Variants in NAV2 observed in about 807,000 individuals in gnomAD.
The protein encoded by NAV2 is neuron navigator 2.
NAV2 carries 54 observed loss-of-function variants against 223.2 expected under a neutral mutation model. The observed-to-expected ratio is 0.24, with a 90% CI of 0.19 to 0.30. The LOEUF is 0.30. NAV2 is among the 10% of genes least tolerant of loss of function. The pLI, the probability that NAV2 is intolerant of heterozygous loss-of-function variation, is 1.00. For missense variants in NAV2, 2,806 were observed against 3,147.5 expected (o/e 0.89, Z 2.60); for synonymous variants, 1,279 against 1,239.3 (o/e 1.03, Z -0.67).
chr11:20,106,207 A>ATGTGTG (rs1458520987), intron 35 of NAV2, among the ~76,000 whole-genome samples: 6 of 50,882 alleles, frequency 1.2e-4, no homozygotes, highest in African/African-American at 3.1e-4. Context: ...ATATATATAT[A>ATGTGTG]TATATATATA....
intron 1 of NAV2, among the ~76,000 whole-genome samples, chr11:19,635,942 G>T (rs1392587255): frequency 6.6e-6 from 1 of 152,178 alleles, no homozygotes. Flanking sequence ...AGTCCTAAAA[G>T]GTAATCTGAG....
At chr11:19,378,843 G>A (rs763132637) in intron 1 of NAV2, among the ~76,000 whole-genome samples, 18 of 152,098 alleles carry the variant, frequency 1.2e-4, no homozygotes, top group Admixed American at 3.3e-4. Context: ...CTGGCACCCC[G>A]CTCTGAGCTC....
chr11:19,825,178 G>A (rs1404447730), intron 1 of NAV2, among the ~76,000 whole-genome samples: 1 of 150,394 alleles, frequency 6.6e-6, no homozygotes, highest in Admixed American at 6.7e-5. Flanking sequence ...TTTAATCCCA[G>A]CTACTTGGGA....
chr11:20,064,629 C>T (rs2058921272), intron 20 of NAV2, among the ~76,000 whole-genome samples: 1 of 152,194 alleles, frequency 6.6e-6, no homozygotes, highest in African/African-American at 2.4e-5. Flanking sequence ...TTCATGCCAA[C>T]CACTAGAAGT....
chr11:19,544,889 G>A (rs2044448217), intron 1 of NAV2, among the ~76,000 whole-genome samples: 1 of 152,206 alleles, frequency 6.6e-6, no homozygotes, highest in African/African-American at 2.4e-5. Flanking sequence ...AAAGGAATGA[G>A]AATCGTAGTA....
At chr11:19,907,471 G>T (rs908141270) in intron 6 of NAV2, among the ~76,000 whole-genome samples, 1 of 152,172 alleles carries the variant, frequency 6.6e-6, no homozygotes, top group South Asian at 2.1e-4. Context: ...TTTTGCTCCT[G>T]GTGTCTTAGA....
Position 19,825,308 on chromosome 11 carries a change from A to G in NAV2, c.268-7176A>G, listed in dbSNP as rs1337433320. 2.7e-5 allele frequency among the ~76,000 whole-genome samples: 4 copies of G among 150,496 alleles called. No individual in the cohort carries two copies. The South Asian group carries it at 6.3e-4, about 24-fold the overall frequency. On this transcript the variant is annotated intron_variant, in intron 1 of 37. Transcript: ENST00000349880. The stretch of plus-strand genomic sequence containing the variant: ...CTCTGTCTCAAAAAAAAAAAAAAAA[A>G]AAAAAAAAAAAAAGGCATTATATGA...
intron 10 of NAV2, among the ~76,000 whole-genome samples, chr11:19,969,666 G>C (rs2049055374): frequency 6.6e-6 from 1 of 152,072 alleles, no homozygotes; most frequent in Non-Finnish European, 1.5e-5. Flanking sequence ...CAGTTGGCTG[G>C]GCGCAGTGGC....
intron 1 of NAV2, among the ~76,000 whole-genome samples, chr11:19,493,160 C>T (rs532037753): frequency 6.6e-6 from 1 of 152,204 alleles, no homozygotes; most frequent in Non-Finnish European, 1.5e-5. Flanking sequence ...TTCTCTACTC[C>T]CCTGCCCCCT....
chr11:19,353,962 C>T (rs73428636), intron 1 of NAV2, among the ~76,000 whole-genome samples: 6,271 of 152,144 alleles, frequency 0.041, 457 homozygotes, highest in African/African-American at 0.14. Flanking sequence ...AATGTGGGTG[C>T]CTGTCTGAGT....
intron 1 of NAV2, among the ~76,000 whole-genome samples, chr11:19,436,907 A>G (rs1851237046): frequency 6.6e-6 from 1 of 152,152 alleles, no homozygotes; most frequent in Non-Finnish European, 1.5e-5. Context: ...TAGAAATGCT[A>G]CTGGTGTCTG....
chr11:19,832,189 C>T (rs1178915377), intron 1 of NAV2, among the ~76,000 whole-genome samples: 3 of 152,206 alleles, frequency 2.0e-5, no homozygotes, highest in African/African-American at 7.2e-5. Flanking sequence ...CTCTCAAAGC[C>T]GTCTGGAGCA....
At chr11:19,392,667 A>G (rs1029781436) in intron 1 of NAV2, among the ~76,000 whole-genome samples, 7 of 152,116 alleles carry the variant, frequency 4.6e-5, no homozygotes, top group Non-Finnish European at 8.8e-5. Context: ...GTTCATTGGG[A>G]GTGAGTCTGG....
At chr11:19,571,332 G>A (rs150000431) in intron 1 of NAV2, among the ~76,000 whole-genome samples, 1 of 152,346 alleles carries the variant, frequency 6.6e-6, no homozygotes, top group African/African-American at 2.4e-5. Context: ...TTCCTTTTGG[G>A]ATGATGAAAA....
rs138742822 is a variant in NAV2 at position 19,916,462 on chromosome 11, G to A, written c.932-16714G>A. Among the ~76,000 whole-genome samples, 8 of 152,298 alleles carry A rather than the reference G, an allele frequency of 5.3e-5. No individual in the cohort carries two copies. The East Asian group carries it at 1.5e-3, about 29-fold the overall frequency. On this transcript the variant is annotated intron_variant, in intron 6 of 37. Coordinates refer to ENST00000349880, the MANE Select transcript of NAV2 (RefSeq NM_145117.5). ...GTTAACTGGCTTAAATAGAAAATAT[G>A]GCTAACTAGAACATCTCTTTTCAGT...
At chr11:20,071,106 G>A (rs1591978360) in intron 22 of NAV2, among the ~76,000 whole-genome samples, 6 of 128,360 alleles carry the variant, frequency 4.7e-5, no homozygotes, top group Admixed American at 1.7e-4. Context: ...CCCTCCCCTA[G>A]CCCCCCACCC....
At chr11:19,569,900 C>G (rs895318034) in intron 1 of NAV2, among the ~76,000 whole-genome samples, 16 of 152,214 alleles carry the variant, frequency 1.1e-4, no homozygotes, top group African/African-American at 3.9e-4. Context: ...AAAAGCACAA[C>G]AAAGTCTACT....
chr11:20,027,067 G>T (rs1355948042), intron 11 of NAV2, among the ~76,000 whole-genome samples: 18 of 152,204 alleles, frequency 1.2e-4, no homozygotes, highest in Non-Finnish European at 1.5e-5. Context: ...GACTACAAAA[G>T]GTAGGACTCT....
At chr11:19,432,302 C>T (rs1019444383) in intron 1 of NAV2, among the ~76,000 whole-genome samples, 1 of 152,018 alleles carries the variant, frequency 6.6e-6, no homozygotes, top group African/African-American at 2.4e-5. Flanking sequence ...CTCCTGTGGC[C>T]CACCCCTGTC....
Sources: allele counts gnomAD v4.1 joint callset (sites outside exome capture counted in the v4.1 genomes callset), GRCh38; gene constraint gnomAD v4.1.1; transcripts MANE v1.5; gene names NCBI Gene and HGNC (gene_info 2026-07-23, HGNC 2026-07-21).